Variants in TENM4 observed in about 807,000 individuals in gnomAD.
TENM4 encodes teneurin transmembrane protein 4.
TENM4 carries 82 observed loss-of-function variants against 243.3 expected under a neutral mutation model. That is an observed-to-expected ratio of 0.34 (90% CI 0.28 to 0.40). The LOEUF is 0.40. TENM4 is among the 10% of genes least tolerant of loss of function. The pLI is 1.00. For synonymous variants in TENM4, 1,412 were observed against 1,456.3 expected (o/e 0.97, Z 0.69); for missense variants, 3,138 against 3,673.3 (o/e 0.85, Z 3.77).
intron 2 of TENM4, among the ~76,000 whole-genome samples, chr11:79,228,542 T>C (rs1218033168): frequency 6.6e-6 from 1 of 152,078 alleles, no homozygotes; most frequent in Non-Finnish European, 1.5e-5. Context: ...AGACCTCACG[T>C]GCCCACCCAC....
intron 1 of TENM4, among the ~76,000 whole-genome samples, chr11:79,353,131 G>T (rs544710254): frequency 3.3e-5 from 5 of 152,258 alleles, no homozygotes; most frequent in Admixed American, 6.5e-5. Flanking sequence ...ACCTTATGGG[G>T]CAGGAAAACA....
At chr11:79,271,016 T>A (rs1855959446) in intron 2 of TENM4, among the ~76,000 whole-genome samples, 1 of 152,182 alleles carries the variant, frequency 6.6e-6, no homozygotes, top group Non-Finnish European at 1.5e-5. Flanking sequence ...TTGGAAACTC[T>A]GATCTAGGTC....
At position 78,805,277 on chromosome 11, in the gene TENM4, T is replaced by TGCCCCCCCCCCCACCCCCCCC; in HGVS notation, c.2179+14_2179+15insGGGGGGGGTGGGGGGGGGGGC. Reference sequence around the variant, plus strand: ...CCCCTCCCTCTACCCATGCTTCTTCTCCCCCTGCATTTACCGATAGAACAG... The same window carrying TGCCCCCCCCCCCACCCCCCCC: ...CCCCTCCCTCTACCCATGCTTCTTCTGCCCCCCCCCCCACCCCCCCCCCCCCTGCATTTACCGATAGAACAG... On this transcript the variant is annotated intron_variant, in intron 15 of 33. Coordinates refer to ENST00000278550, the MANE Select transcript of TENM4 (RefSeq NM_001098816.3). 7.1e-7 allele frequency: 1 copy of TGCCCCCCCCCCCACCCCCCCC among 1,402,548 alleles called. No individual in the cohort carries two copies. The highest frequency in any genetic ancestry group is 9.7e-7 in the Non-Finnish European group (1 of 1,033,114). 86.9% of individuals were successfully genotyped at this position (1,402,548 alleles called of 1,614,324 possible).
At chr11:79,382,388 C>T (rs1368192116) in intron 1 of TENM4, among the ~76,000 whole-genome samples, 1 of 152,174 alleles carries the variant, frequency 6.6e-6, no homozygotes, top group African/African-American at 2.4e-5. Context: ...GCAGGCTTCG[C>T]TTTCGGTGGA....
At chr11:78,849,639 A>C (rs1474275981) in intron 12 of TENM4, among the ~76,000 whole-genome samples, 1 of 152,190 alleles carries the variant, frequency 6.6e-6, no homozygotes, top group Non-Finnish European at 1.5e-5. Flanking sequence ...GATACCAAAA[A>C]CGGGGGTTTG....
intron 3 of TENM4, among the ~76,000 whole-genome samples, chr11:79,206,017 C>A (rs1863844782): frequency 6.6e-6 from 1 of 152,222 alleles, no homozygotes; most frequent in East Asian, 1.9e-4. Context: ...AGGGTGCCCA[C>A]TTGCTTCAAG....
At chr11:79,374,547 T>C (rs180980767) in intron 1 of TENM4, among the ~76,000 whole-genome samples, 1 of 144,846 alleles carries the variant, frequency 6.9e-6, no homozygotes, top group African/African-American at 2.7e-5. Flanking sequence ...TCTATATCTA[T>C]ATATCTATAT....
intron 5 of TENM4, among the ~76,000 whole-genome samples, chr11:79,067,432 G>A (rs1164365468): frequency 1.3e-5 from 2 of 152,150 alleles, no homozygotes; most frequent in East Asian, 1.9e-4. Flanking sequence ...TGCTCTGTTC[G>A]GCCGGCCCTC....
At chr11:78,979,963 T>C (rs1008190706) in intron 6 of TENM4, among the ~76,000 whole-genome samples, 2 of 152,182 alleles carry the variant, frequency 1.3e-5, no homozygotes, top group African/African-American at 4.8e-5. Flanking sequence ...CTAGCAAGAC[T>C]GATTTGTGCT....
intron 28 of TENM4, among the ~76,000 whole-genome samples, chr11:78,697,067 A>G (rs770789283): frequency 6.6e-6 from 1 of 152,162 alleles, no homozygotes; most frequent in Non-Finnish European, 1.5e-5. Context: ...CAGGTCGACC[A>G]CAAAGGACAC....
rs921111906 is a variant in TENM4 at position 78,812,187 on chromosome 11, T to C, written c.1913A>G (p.His638Arg). The C allele has an allele frequency of 7.9e-5, 122 of 1,551,716 alleles. No individual in the cohort carries two copies. The highest frequency in any genetic ancestry group is 9.9e-5 in the Non-Finnish European group (114 of 1,147,050). Residue 638 changes from histidine (H) to arginine (R), a missense_variant, in exon 14 of 34, where the codon CAT becomes CGT. Around this residue, in one of 2 missense-constraint regions of TENM4, gnomAD observed 2,467 missense variants for 3,059.1 expected, o/e 0.81. Coordinates refer to ENST00000278550, the MANE Select transcript of TENM4 (RefSeq NM_001098816.3). ...NQCIDVACSNHGTCITGTCIC... is the reference protein window; with the variant it reads ...NQCIDVACSNRGTCITGTCIC... ...GCAGGTGCCCGTGATGCAGGTGCCA[T>C]GGTTGCTGCAGGCCACATCGATACA...
At chr11:79,168,788 C>G (rs773441190) in intron 3 of TENM4, among the ~76,000 whole-genome samples, 10 of 152,180 alleles carry the variant, frequency 6.6e-5, no homozygotes, top group Non-Finnish European at 8.8e-5. Context: ...TTGCTTTGAT[C>G]AATAGGACGA....
chr11:78,994,533 C>T (rs779241920), intron 6 of TENM4, among the ~76,000 whole-genome samples: 2 of 152,214 alleles, frequency 1.3e-5, no homozygotes, highest in Non-Finnish European at 2.9e-5. Context: ...TAGTTTTCTA[C>T]CTCTTGGAAG....
At chr11:79,301,125 C>T (rs984438328) in intron 1 of TENM4, among the ~76,000 whole-genome samples, 2 of 152,332 alleles carry the variant, frequency 1.3e-5, no homozygotes, top group African/African-American at 2.4e-5. Context: ...CTCCAATTCT[C>T]TCACCACCTG....
At chr11:79,071,455 AGTGGGAGTGTGG>A (rs60525610) in intron 4 of TENM4, among the ~76,000 whole-genome samples, 42,993 of 148,812 alleles carry the variant, frequency 0.29, 6,385 homozygotes, top group Middle Eastern at 0.35. Context: ...TGTGCTGCAA[AGTGGGAGTGTGG>A]GTGGGAGTGT....
chr11:79,424,097 A>G (rs1435694420), intron 1 of TENM4, among the ~76,000 whole-genome samples: 3 of 152,210 alleles, frequency 2.0e-5, no homozygotes, highest in Non-Finnish European at 2.9e-5. Flanking sequence ...GTCTGCCAAA[A>G]GTCATACAAG....
intron 18 of TENM4, among the ~76,000 whole-genome samples, chr11:78,762,438 T>A (rs1367179239): frequency 6.6e-6 from 1 of 152,148 alleles, no homozygotes. Context: ...TAAATTAGGG[T>A]AGTAGAGGCC....
At chr11:79,132,479 C>T (rs1862029737) in intron 4 of TENM4, among the ~76,000 whole-genome samples, 1 of 151,904 alleles carries the variant, frequency 6.6e-6, no homozygotes. Context: ...TTAAACTATA[C>T]CTTGGAACAA....
chr11:78,933,589 G>C (rs2136430201), intron 6 of TENM4, among the ~76,000 whole-genome samples: 1 of 152,300 alleles, frequency 6.6e-6, no homozygotes, highest in African/African-American at 2.4e-5. Flanking sequence ...ATGCCAATGA[G>C]ATTCTGCAAC....
Sources: allele counts gnomAD v4.1 joint callset (sites outside exome capture counted in the v4.1 genomes callset), GRCh38; gene constraint gnomAD v4.1.1; regional missense constraint gnomAD v4.1.1; transcripts MANE v1.5; gene names NCBI Gene and HGNC (gene_info 2026-07-23, HGNC 2026-07-21).